Variants in TPH2 observed in about 807,000 individuals in gnomAD.
TPH2 encodes tryptophan 5-hydroxylase 2.
TPH2 carries 27 observed loss-of-function variants against 59.1 expected under a neutral mutation model. The observed-to-expected ratio is 0.46, with a 90% CI of 0.34 to 0.63. The LOEUF (loss-of-function observed/expected upper bound fraction) is 0.63, where lower values mean the gene tolerates loss of function less well. TPH2 is among the 30% of genes least tolerant of loss of function. The pLI, the probability that TPH2 is intolerant of heterozygous loss-of-function variation, is 0.01. For missense variants in TPH2, 523 were observed against 588.3 expected (o/e 0.89, Z 1.15); for synonymous variants, 220 against 210.5 (o/e 1.05, Z -0.39).
intron 7 of TPH2, among the ~76,000 whole-genome samples, chr12:71,994,069 G>A (rs1474468694): frequency 6.6e-6 from 1 of 152,252 alleles, no homozygotes; most frequent in East Asian, 1.9e-4. Context: ...GCTGTTGTTT[G>A]CCTATCCCTG....
chr12:72,019,103 C>T (rs772709945), intron 8 of TPH2, among the ~76,000 whole-genome samples: 5 of 152,112 alleles, frequency 3.3e-5, no homozygotes, highest in Non-Finnish European at 7.4e-5. Flanking sequence ...TACTTGGAGG[C>T]TGTATTTTAG....
At chr12:72,014,035 T>A (rs912495964) in intron 8 of TPH2, among the ~76,000 whole-genome samples, 1 of 152,132 alleles carries the variant, frequency 6.6e-6, no homozygotes, top group East Asian at 1.9e-4. Flanking sequence ...AATCTAGGTG[T>A]AGCTGCAGTC....
At chr12:72,004,314 T>C (rs1872897005) in intron 8 of TPH2, among the ~76,000 whole-genome samples, 1 of 150,464 alleles carries the variant, frequency 6.6e-6, no homozygotes, top group African/African-American at 2.4e-5. Context: ...TACTGCCCAA[T>C]GTTGAATAAA....
chr12:71,977,470 C>CACAT (rs1491425602), intron 6 of TPH2, among the ~76,000 whole-genome samples: 2 of 151,472 alleles, frequency 1.3e-5, no homozygotes, highest in Non-Finnish European at 2.9e-5. Flanking sequence ...CACACACACA[C>CACAT]AGACACACGC....
intron 5 of TPH2, among the ~76,000 whole-genome samples, chr12:71,955,358 C>G (rs921638312): frequency 2.6e-5 from 4 of 152,132 alleles, no homozygotes; most frequent in African/African-American, 9.7e-5. Context: ...ATACAATGTA[C>G]TTTGTTATCC....
intron 2 of TPH2, among the ~76,000 whole-genome samples, chr12:71,944,019 T>G (rs958492057): frequency 2.6e-5 from 4 of 151,880 alleles, no homozygotes; most frequent in African/African-American, 7.3e-5. Context: ...TGGGAAATGA[T>G]GATGTTCATT....
chr12:72,023,637 C>T (rs375374032), intron 9 of TPH2, among the ~76,000 whole-genome samples: 10 of 151,866 alleles, frequency 6.6e-5, no homozygotes, highest in Admixed American at 2.6e-4. Flanking sequence ...CAAGATCAGC[C>T]TGGCCAACAT....
At position 71,994,585 on chromosome 12, in the gene TPH2, A is replaced by T. The variant is rs1457886029; in HGVS notation, c.1068+20A>T. On this transcript the variant is annotated intron_variant, in intron 8 of 10. Coordinates refer to ENST00000333850, the MANE Select transcript of TPH2 (RefSeq NM_173353.4). ...GCCACGGTGAGTTCATTTTCAACTT[A>T]AAACCAGTGCTATTTATGTCCATTT... 1 of 1,613,468 alleles carries T rather than the reference A, an allele frequency of 6.2e-7. No homozygotes were observed. Among genetic ancestry groups the T allele is most frequent in the East Asian group, 2.2e-5 (1 of 44,844 alleles).
intron 5 of TPH2, among the ~76,000 whole-genome samples, chr12:71,955,841 C>T (rs1039553715): frequency 6.6e-5 from 10 of 152,140 alleles, no homozygotes; most frequent in African/African-American, 2.4e-4. Context: ...TTGTATAATC[C>T]TGACTTCTGT....
chr12:71,956,702 C>A (rs539821849), intron 5 of TPH2, among the ~76,000 whole-genome samples: 1 of 151,984 alleles, frequency 6.6e-6, no homozygotes, highest in Non-Finnish European at 1.5e-5. Flanking sequence ...CTTGACCTAT[C>A]GGGCTCAGGT....
intron 9 of TPH2, among the ~76,000 whole-genome samples, chr12:72,023,821 G>GA (rs767208238): frequency 0.043 from 1,209 of 27,914 alleles, 19 homozygotes; most frequent in Non-Finnish European, 0.077. Context: ...GACTCTGACA[G>GA]AAAAAAAAAA....
chr12:71,989,289 C>T (rs1470773158), intron 7 of TPH2, among the ~76,000 whole-genome samples: 1 of 152,198 alleles, frequency 6.6e-6, no homozygotes, highest in Non-Finnish European at 1.5e-5. Flanking sequence ...TGCCTCACTA[C>T]CAAGTTAATT....
intron 6 of TPH2, 141 bp downstream of exon 6, chr12:71,972,856 T>C: frequency 1.2e-6 from 1 of 859,938 alleles, no homozygotes; most frequent in Non-Finnish European, 1.8e-6. Flanking sequence ...AACAATTACC[T>C]GCGGCCACCT....
intron 7 of TPH2, among the ~76,000 whole-genome samples, chr12:71,993,611 A>G (rs1872629138): frequency 6.6e-6 from 1 of 152,202 alleles, no homozygotes; most frequent in South Asian, 2.1e-4. Flanking sequence ...CCAGGCTTCT[A>G]TTATTACCTA....
intron 6 of TPH2, 143 bp downstream of exon 6, chr12:71,972,858 C>A (rs1279011395): frequency 5.8e-6 from 5 of 859,094 alleles, no homozygotes; most frequent in Non-Finnish European, 9.1e-6. Flanking sequence ...CAATTACCTG[C>A]GGCCACCTGT....
intron 5 of TPH2, among the ~76,000 whole-genome samples, chr12:71,949,948 T>C (rs1464105622): frequency 6.6e-6 from 1 of 151,652 alleles, no homozygotes; most frequent in Non-Finnish European, 1.5e-5. Flanking sequence ...TTAGAAACTG[T>C]GTTTTAATTT....
At chr12:72,003,162 C>T (rs1266658493) in intron 8 of TPH2, among the ~76,000 whole-genome samples, 1 of 152,136 alleles carries the variant, frequency 6.6e-6, no homozygotes, top group African/African-American at 2.4e-5. Flanking sequence ...AGCTGTAGTT[C>T]TTTCTGAACA....
intron 7 of TPH2, among the ~76,000 whole-genome samples, chr12:71,983,403 C>A (rs1430408854): frequency 6.6e-6 from 1 of 151,976 alleles, no homozygotes; most frequent in Non-Finnish European, 1.5e-5. Flanking sequence ...ATCAATTGGG[C>A]CAAATTCAAA....
At chr12:71,951,267 G>A (rs2139185711) in intron 5 of TPH2, among the ~76,000 whole-genome samples, 1 of 152,298 alleles carries the variant, frequency 6.6e-6, no homozygotes, top group Middle Eastern at 3.4e-3. Flanking sequence ...ATGGTTGTGA[G>A]CCTTATGATT....
Sources: gnomAD v4.1 joint callset for allele counts (sites outside exome capture counted in the v4.1 genomes callset) on GRCh38, gnomAD v4.1.1 for gene constraint, MANE v1.5 for transcripts, NCBI Gene and HGNC (gene_info 2026-07-23, HGNC 2026-07-21) for gene names.